Variants in CCDC69 observed in about 807,000 individuals in gnomAD.
CCDC69 encodes coiled-coil domain-containing protein 69.
CCDC69 carries 38 observed loss-of-function variants against 40.3 expected under a neutral mutation model. The ratio of observed to expected loss-of-function variants is 0.94; its 90% CI spans 0.73 to 1.24. The LOEUF (loss-of-function observed/expected upper bound fraction) is 1.24, where lower values mean the gene tolerates loss of function less well. CCDC69 is among the 50% of genes most tolerant of loss of function. CCDC69 has a pLI of 0.00. For missense variants in CCDC69, 389 were observed against 357.9 expected (o/e 1.09, Z -0.70); for synonymous variants, 141 against 138.9 (o/e 1.02, Z -0.11).
rs186983807 is a variant in CCDC69 at position 151,215,937 on chromosome 5, C to T, written c.48+7986G>A. Among the ~76,000 whole-genome samples the T allele has an allele frequency of 8.5e-5, 13 of 152,286 alleles. 1 individual carries two copies. The East Asian group carries it at 1.9e-3, about 23-fold the overall frequency. On this transcript the variant is annotated intron_variant, in intron 1 of 8. Transcript: ENST00000355417. ...AGAGAGTGAAGTAGACCTTTATGTA[C>T]AAAGATGGAAAGGCATTTGGTAAAA...
intron 1 of CCDC69, among the ~76,000 whole-genome samples, chr5:151,214,725 C>G (rs1753010121): frequency 6.6e-6 from 1 of 152,172 alleles, no homozygotes; most frequent in South Asian, 2.1e-4. Context: ...GCAGGACCCC[C>G]AGAGCACACA....
chr5:151,204,259 T>G (rs1440185384), intron 2 of CCDC69, among the ~76,000 whole-genome samples: 1 of 152,186 alleles, frequency 6.6e-6, no homozygotes, highest in Non-Finnish European at 1.5e-5. Context: ...GATCTTGAAC[T>G]CTTGGGCTCA....
At chr5:151,218,027 T>C (rs769237213) in intron 1 of CCDC69, among the ~76,000 whole-genome samples, 48 of 152,064 alleles carry the variant, frequency 3.2e-4, no homozygotes, top group Non-Finnish European at 1.0e-4. Context: ...AATCTGGAAG[T>C]AGGTCAGACT....
intron 4 of CCDC69, among the ~76,000 whole-genome samples, chr5:151,193,427 G>A (rs1193537542): frequency 6.6e-6 from 1 of 151,692 alleles, no homozygotes; most frequent in Non-Finnish European, 1.5e-5. Context: ...GTAGTGGGAG[G>A]ATCACCTGAG....
chr5:151,219,135 G>A (rs990822766), intron 1 of CCDC69, among the ~76,000 whole-genome samples: 1 of 152,106 alleles, frequency 6.6e-6, no homozygotes, highest in South Asian at 2.1e-4. Flanking sequence ...ATGATGGTTG[G>A]GGCAGGGGGC....
intron 4 of CCDC69, among the ~76,000 whole-genome samples, chr5:151,195,369 C>G (rs561691175): frequency 1.3e-5 from 2 of 152,182 alleles, no homozygotes; most frequent in South Asian, 4.1e-4. Flanking sequence ...AGAAACTGAA[C>G]CAAGATTCAA....
chr5:151,218,770 C>A (rs1292478215), intron 1 of CCDC69, among the ~76,000 whole-genome samples: 1 of 152,204 alleles, frequency 6.6e-6, no homozygotes, highest in Non-Finnish European at 1.5e-5. Flanking sequence ...AGGTCCCAAG[C>A]CTAACAGCCA....
At chr5:151,207,704 C>T (rs1752872442) in intron 1 of CCDC69, among the ~76,000 whole-genome samples, 1 of 152,178 alleles carries the variant, frequency 6.6e-6, no homozygotes, top group African/African-American at 2.4e-5. Flanking sequence ...AACTGACGTG[C>T]TTACTGAACA....
At chr5:151,195,740 C>A (rs751024282) in intron 4 of CCDC69, among the ~76,000 whole-genome samples, 10,133 of 83,862 alleles carry the variant, frequency 0.12, 537 homozygotes, top group African/African-American at 0.18. Context: ...AAAAAAAAAA[C>A]ACGCACACTC....
chr5:151,185,585 C>T (rs749258772), intron 6 of CCDC69, 44 bp from the exon 7 acceptor site: 4 of 1,597,794 alleles, frequency 2.5e-6, no homozygotes, highest in South Asian at 2.2e-5. Context: ...TAGGCTACCT[C>T]CCTCCTCCCC....
intron 1 of CCDC69, 82 bp downstream of exon 1, chr5:151,223,841 C>T: frequency 1.4e-6 from 2 of 1,403,480 alleles, no homozygotes; most frequent in Non-Finnish European, 2.0e-6. Context: ...AGAGAGAGCC[C>T]GGGGCGCCGA....
At chr5:151,217,680 C>T (rs1162322378) in intron 1 of CCDC69, among the ~76,000 whole-genome samples, 1 of 152,134 alleles carries the variant, frequency 6.6e-6, no homozygotes, top group Non-Finnish European at 1.5e-5. Flanking sequence ...CACTTCATTC[C>T]CTGCTCTTCT....
At position 151,186,117 on chromosome 5, in the gene CCDC69, A is replaced by G. The variant is rs776330114; in HGVS notation, c.401T>C (p.Ile134Thr). 12 of 1,611,732 alleles carry G rather than the reference A, an allele frequency of 7.4e-6. No homozygotes were observed. The highest frequency in any genetic ancestry group is 8.5e-6 in the Non-Finnish European group (10 of 1,178,080). ...CTCCAGCTGTGAGGTCAGTCTGTCT[A>G]TGGTCTCCTGGAGCAGGGAGTGGGA... ...REASSTQQET[I>T]DRLTSQLEAF... Residue 134 changes from isoleucine to threonine, a missense_variant, in exon 6 of 9, where the codon ATA becomes ACA. Coordinates refer to ENST00000355417, the MANE Select transcript of CCDC69 (RefSeq NM_015621.3).
chr5:151,223,796 T>C, intron 1 of CCDC69, 127 bp downstream of exon 1: 2 of 890,852 alleles, frequency 2.2e-6, no homozygotes, highest in Non-Finnish European at 3.3e-6. Context: ...TGAGCTGGCC[T>C]CTCCAGGTTC....
intron 2 of CCDC69, among the ~76,000 whole-genome samples, chr5:151,204,294 C>CA: frequency 6.6e-6 from 1 of 152,290 alleles, no homozygotes; most frequent in South Asian, 2.1e-4. Context: ...CTTGGCCTCC[C>CA]AAAGTGCTGG....
Position 151,181,188 on chromosome 5 carries a change from G to A in CCDC69, c.*2249C>T. On this transcript the variant is annotated 3_prime_UTR_variant, in exon 9 of 9. Coordinates refer to ENST00000355417, the MANE Select transcript of CCDC69 (RefSeq NM_015621.3). The stretch of plus-strand genomic sequence containing the variant: ...CACAACTTGCTCCTTCTCCAGCCCT[G>A]CCCCTCTCAATTAAAACAATGCTTT... The A allele has an allele frequency of 6.6e-6, 1 of 152,344 alleles. No individual in the cohort carries two copies. Among genetic ancestry groups the A allele is most frequent in the Non-Finnish European group, 1.5e-5 (1 of 68,076 alleles). The allele number at this position is 152,344 out of a possible 1,614,324, so 9.4% of individuals were successfully genotyped here.
chr5:151,218,103 G>C (rs1561606037), intron 1 of CCDC69, among the ~76,000 whole-genome samples: 1 of 152,146 alleles, frequency 6.6e-6, no homozygotes, highest in Non-Finnish European at 1.5e-5. Flanking sequence ...TACAGTGTTT[G>C]GCCTAGATGT....
At chr5:151,186,639 C>G (rs1448962127) in intron 5 of CCDC69, among the ~76,000 whole-genome samples, 1 of 152,186 alleles carries the variant, frequency 6.6e-6, no homozygotes, top group African/African-American at 2.4e-5. Context: ...TCACCTCTCA[C>G]TGCTCCTTCT....
At chr5:151,187,155 T>C (rs1192570337) in intron 5 of CCDC69, among the ~76,000 whole-genome samples, 1 of 152,098 alleles carries the variant, frequency 6.6e-6, no homozygotes, top group Non-Finnish European at 1.5e-5. Flanking sequence ...CTCTCCAAGA[T>C]CTCCCCAGCA....
Sources: allele counts gnomAD v4.1 joint callset (sites outside exome capture counted in the v4.1 genomes callset), GRCh38; gene constraint gnomAD v4.1.1; transcripts MANE v1.5; gene names NCBI Gene and HGNC (gene_info 2026-07-23, HGNC 2026-07-21).